LIMCH1: variants seen among roughly 807,000 people sequenced by gnomAD.
LIMCH1 encodes the protein LIM and calponin homology domains 1.
Under a neutral mutation model 176.5 loss-of-function variants are expected in LIMCH1, and 113 were observed. The ratio of observed to expected loss-of-function variants is 0.64; its 90% CI spans 0.55 to 0.75. The LOEUF is 0.75. LIMCH1 is among the 30% of genes least tolerant of loss of function. LIMCH1 has a pLI of 0.00. For synonymous variants in LIMCH1, 619 were observed against 645.9 expected (o/e 0.96, Z 0.63); for missense variants, 1,674 against 1,814.9 (o/e 0.92, Z 1.41).
At chr4:41,576,092 A>G (rs2152648756) in intron 1 of LIMCH1, among the ~76,000 whole-genome samples, 1 of 152,326 alleles carries the variant, frequency 6.6e-6, no homozygotes, top group East Asian at 1.9e-4. Context: ...CAATACATTT[A>G]CAAAGTGTTT....
At chr4:41,494,575 A>T (rs2071721717) in exon 2 of LIMCH1, 1 of 1,613,052 alleles carries the variant, frequency 6.2e-7, no homozygotes, top group Non-Finnish European at 8.5e-7. Context: ...AGATTTTCGG[A>T]CAGGTTTAGA....
chr4:41,453,070 C>G (rs952254345), intron 1 of LIMCH1, among the ~76,000 whole-genome samples: 3 of 152,178 alleles, frequency 2.0e-5, no homozygotes, highest in African/African-American at 7.2e-5. Context: ...GGATATGTAC[C>G]TAACGTAGGT....
intron 2 of LIMCH1, among the ~76,000 whole-genome samples, chr4:41,514,005 T>TAAAAAAAAAAAAAAAAAAAAAAA (rs71198665): frequency 2.1e-5 from 1 of 48,512 alleles, no homozygotes; most frequent in Admixed American, 3.8e-4. Context: ...GACTCCGTCT[T>TAAAAAAAAAAAAAAAAAAAAAAA]AAAAAAAAAA....
In LIMCH1 at chr4:41,613,544, G is replaced by T; in HGVS notation, c.88G>T (p.Asp30Tyr). 1 of 1,614,044 alleles carries T rather than the reference G, an allele frequency of 6.2e-7. No individual in the cohort carries two copies. The highest frequency in any genetic ancestry group is 8.5e-7 in the Non-Finnish European group (1 of 1,179,984). Residue 30 changes from aspartate to tyrosine, a missense_variant, in exon 5 of 32, where the codon GAC becomes TAC. Physicochemically the swap from Asp to Tyr is radical, Grantham distance 160. Transcript: ENST00000503057. ...YIDCWDSERS[D>Y]SLSPPRHGRD... is the part of the protein sequence containing the mutation. ...CGACTGCTGGGATTCCGAGCGCAGC[G>T]ACTCCCTCTCTCCTCCTCGCCACGG...
chr4:41,381,185 G>A (rs1010178458), intron 1 of LIMCH1, among the ~76,000 whole-genome samples: 3 of 152,200 alleles, frequency 2.0e-5, no homozygotes, highest in African/African-American at 4.8e-5. Context: ...CTAGCACCAA[G>A]TGAGTGATTC....
chr4:41,554,259 T>A (rs947874557), intron 1 of LIMCH1, among the ~76,000 whole-genome samples: 4 of 152,236 alleles, frequency 2.6e-5, no homozygotes, highest in African/African-American at 9.6e-5. Context: ...ACCTCAGGAG[T>A]GTAAAACAAG....
intron 1 of LIMCH1, among the ~76,000 whole-genome samples, chr4:41,419,711 C>T (rs879488280): frequency 2.9e-5 from 4 of 137,036 alleles, no homozygotes; most frequent in Non-Finnish European, 6.3e-5. Flanking sequence ...TTCCTTCCTT[C>T]CTTCCTTCCT....
chr4:41,466,289 C>T (rs1278751668), intron 1 of LIMCH1, among the ~76,000 whole-genome samples: 1 of 152,160 alleles, frequency 6.6e-6, no homozygotes, highest in African/African-American at 2.4e-5. Context: ...CTTTGCTGAC[C>T]TCTACTCTAG....
chr4:41,572,832 T>C (rs1229188648), intron 1 of LIMCH1, among the ~76,000 whole-genome samples: 1 of 152,134 alleles, frequency 6.6e-6, no homozygotes, highest in Non-Finnish European at 1.5e-5. Flanking sequence ...ATGAGGAAAC[T>C]GAAAGAGGAG....
chr4:41,546,703 C>T (rs2079465568), intron 1 of LIMCH1, among the ~76,000 whole-genome samples: 2 of 152,174 alleles, frequency 1.3e-5, no homozygotes, highest in South Asian at 4.1e-4. Context: ...TAGATTATGG[C>T]ACTAAAATAG....
rs1585278829 is a variant in LIMCH1, at chr4:41,646,776, C to T, written c.2703C>T (p.Ser901=). The T allele has an allele frequency of 6.2e-7, 1 of 1,614,182 alleles. No homozygotes were observed. Among genetic ancestry groups the T allele is most frequent in the Non-Finnish European group, 8.5e-7 (1 of 1,180,020 alleles). Residue 901 remains serine, a synonymous_variant, in exon 17 of 32, where the codon AGC becomes AGT. Coordinates refer to ENST00000503057, the MANE Select transcript of LIMCH1 (RefSeq NM_001330672.2). ...TIARASVLDT[S]MSAGSGSPSK... ...CTCGTGCCAGTGTTCTGGATACCAG[C>T]ATGTCAGCAGGCAGTGGGTCTCCAA...
At chr4:41,376,430 TA>T (rs1315767055) in intron 1 of LIMCH1, among the ~76,000 whole-genome samples, 1 of 152,228 alleles carries the variant, frequency 6.6e-6, no homozygotes, top group African/African-American at 2.4e-5. Flanking sequence ...AGATTTTATG[TA>T]ATGTTTTCCT....
At chr4:41,695,135 G>A (rs1026235682) in intron 31 of LIMCH1, among the ~76,000 whole-genome samples, 10 of 151,662 alleles carry the variant, frequency 6.6e-5, no homozygotes, top group South Asian at 2.1e-4. Context: ...TATATTTGCC[G>A]CATATTGTGG....
chr4:41,682,427 C>G lies in LIMCH1; in HGVS notation c.3812C>G (p.Thr1271Ser). Residue 1271 changes from threonine to serine, a missense_variant, in exon 26 of 32, where the codon ACT (threonine) becomes AGT (serine). Coordinates refer to ENST00000503057, the MANE Select transcript of LIMCH1 (RefSeq NM_001330672.2). ...GATGACAGTGACTTATTGCTGAAGA[C>G]TAGGGAAAGTGATCGACTGGAGGAG... ...QGDDSDLLLK[T>S]RESDRLEEKG... The G allele has an allele frequency of 6.2e-7, 1 of 1,613,080 alleles. No individual in the cohort carries two copies. The highest frequency in any genetic ancestry group is 2.2e-5 in the East Asian group (1 of 44,812).
At chr4:41,681,921 A>G (rs1350294803) in intron 25 of LIMCH1, among the ~76,000 whole-genome samples, 1 of 152,238 alleles carries the variant, frequency 6.6e-6, no homozygotes, top group East Asian at 1.9e-4. Context: ...AAGGCCAGAG[A>G]GAGCCTATAA....
chr4:41,421,177 A>G (rs1347832869), intron 1 of LIMCH1, among the ~76,000 whole-genome samples: 2 of 152,204 alleles, frequency 1.3e-5, no homozygotes, highest in South Asian at 4.1e-4. Context: ...CCTGGTTAAC[A>G]TATTTACCTA....
intron 1 of LIMCH1, among the ~76,000 whole-genome samples, chr4:41,378,409 C>A (rs748216929): frequency 6.6e-6 from 1 of 152,110 alleles, no homozygotes; most frequent in African/African-American, 2.4e-5. Context: ...TAGCACCTAC[C>A]TTGTGAATTG....
chr4:41,660,082 CTA>C, intron 18 of LIMCH1, among the ~76,000 whole-genome samples: 1 of 151,856 alleles, frequency 6.6e-6, no homozygotes. Context: ...ATCTTTTTTT[CTA>C]TATGTTTATG....
intron 3 of LIMCH1, among the ~76,000 whole-genome samples, chr4:41,527,001 GA>G (rs1436911587): frequency 6.6e-6 from 1 of 152,132 alleles, no homozygotes; most frequent in Non-Finnish European, 1.5e-5. Flanking sequence ...GTTATTCATT[GA>G]ATACTTTCCT....
Sources: allele counts gnomAD v4.1 joint callset (sites outside exome capture counted in the v4.1 genomes callset), GRCh38; gene constraint gnomAD v4.1.1; transcripts MANE v1.5; gene names NCBI Gene and HGNC (gene_info 2026-07-23, HGNC 2026-07-21).